The following REXO1 variants were observed in gnomAD, a reference collection of about 807,000 sequenced individuals.
REXO1 encodes the protein REX1, RNA exonuclease 1 homolog.
A neutral mutation model predicts 102.6 loss-of-function variants in REXO1; 42 were observed. The observed-to-expected ratio is 0.41, with a 90% CI of 0.32 to 0.53. REXO1 has a LOEUF of 0.53. Among genes scored for constraint, REXO1 ranks in the 20% least tolerant of loss-of-function variants. REXO1 has a pLI of 0.27. For synonymous variants in REXO1, 908 were observed against 779.1 expected, an observed-to-expected ratio of 1.17 and a Z score of -2.76; for missense variants, 1,819 against 1,732.5, an observed-to-expected ratio of 1.05 and a Z score of -0.89.
intron 1 of REXO1, among the ~76,000 whole-genome samples, chr19:1,841,023 G>A (rs1303482782): frequency 2.0e-5 from 3 of 152,200 alleles, no homozygotes; most frequent in Non-Finnish European, 2.9e-5. Context: ...CTCCGTCCTC[G>A]CAGCCGTTCC....
intron 7 of REXO1, 74 bp downstream of exon 7, chr19:1,819,860 C>A: frequency 7.0e-7 from 1 of 1,424,800 alleles, no homozygotes; most frequent in South Asian, 1.5e-5. Context: ...TGTGAAGGTC[C>A]CAGCGAGGGT....
In REXO1 at chr19:1,827,394, G is replaced by T; in HGVS notation, c.1395C>A (p.Ser465=). 6.5e-7 allele frequency: 1 copy of T among 1,542,480 alleles called. No individual in the cohort carries two copies. Among genetic ancestry groups the T allele is most frequent in the Non-Finnish European group, 8.7e-7 (1 of 1,152,188 alleles). ...ARRPSPTSGD[S]RPAAGRGPPR... is the part of the protein sequence containing the mutation. ...GTGGGCCTCTGCCGGCCGCCGGTCGGGAGTCCCCGCTTGTGGGGCTCGGCC... is the reference window on the plus strand; with the variant it reads ...GTGGGCCTCTGCCGGCCGCCGGTCGTGAGTCCCCGCTTGTGGGGCTCGGCC... The change falls in exon 2 of 16, where the codon TCC becomes TCA. Residue 465 remains serine, a synonymous_variant. Coordinates refer to ENST00000170168, the MANE Select transcript of REXO1 (RefSeq NM_020695.4).
At position 1,815,942 on chromosome 19, in the gene REXO1, C is replaced by A; in HGVS notation, c.*124G>T. The A allele has an allele frequency of 1.3e-6, 2 of 1,535,096 alleles. No individual in the cohort carries two copies. The highest frequency in any genetic ancestry group is 1.2e-5 in the South Asian group (1 of 83,790). On this transcript the variant is annotated 3_prime_UTR_variant, in exon 16 of 16. Coordinates refer to ENST00000170168, the MANE Select transcript of REXO1 (RefSeq NM_020695.4). The surrounding 1 kb of genome is among the most constrained non-coding windows in gnomAD (Gnocchi z 4.0). ...GCGTTCTCTGGCCGCCAGCTCATCC[C>A]GCTGCTCTGGGCTGCCTCGGCCAGG...
chr19:1,832,978 C>T (rs942872425), intron 1 of REXO1, among the ~76,000 whole-genome samples: 9 of 151,702 alleles, frequency 5.9e-5, no homozygotes, highest in Non-Finnish European at 1.2e-4. Flanking sequence ...GCCTGTAATC[C>T]CAGCACTTTG....
intron 1 of REXO1, among the ~76,000 whole-genome samples, chr19:1,829,204 G>A (rs2069837669): frequency 6.6e-6 from 1 of 152,244 alleles, no homozygotes; most frequent in Non-Finnish European, 1.5e-5. Flanking sequence ...CGGGGGATGG[G>A]GACATGCCCA....
At chr19:1,834,592 T>A (rs1180349962) in intron 1 of REXO1, among the ~76,000 whole-genome samples, 3 of 152,066 alleles carry the variant, frequency 2.0e-5, no homozygotes, top group African/African-American at 7.2e-5. Flanking sequence ...TCTTTTCTTT[T>A]TTTGGTAGAG....
chr19:1,820,463 C>T lies in REXO1; in HGVS notation c.2395-68G>A, dbSNP rs2069500307. The T allele has an allele frequency of 1.9e-6, 3 of 1,574,314 alleles. No individual in the cohort carries two copies. In the East Asian group the frequency reaches 6.8e-5, roughly 36 times the overall value. Reference sequence around the variant, plus strand: ...AGGCCTCCAGCGGGGAACGCAGACGCGATGAGGCCGTGCCCATGGCTGGAG... The same window carrying T: ...AGGCCTCCAGCGGGGAACGCAGACGTGATGAGGCCGTGCCCATGGCTGGAG... On this transcript the variant is annotated intron_variant, in intron 5 of 15. Transcript: ENST00000170168.
In REXO1 at chr19:1,818,868, C is replaced by T. The variant is rs1189574573; in HGVS notation, c.2765-25G>A. ...CCTGTGGACAGGCACAGTGGTCAGC[C>T]CCTGCCTGGGATGGCCCACGGGGCG... On this transcript the variant is annotated intron_variant, in intron 8 of 15. Transcript: ENST00000170168. The T allele has an allele frequency of 1.9e-6, 3 of 1,607,322 alleles. No individual in the cohort carries two copies. In the East Asian group the frequency reaches 6.7e-5, roughly 36 times the overall value.
chr19:1,829,906 T>C (rs771845577), intron 1 of REXO1, among the ~76,000 whole-genome samples: 3 of 152,192 alleles, frequency 2.0e-5, no homozygotes, highest in Non-Finnish European at 4.4e-5. Context: ...GCCTCCAAGA[T>C]AGCTGGGACT....
chr19:1,824,446 G>C (rs914436990), intron 3 of REXO1: 2 of 152,248 alleles, frequency 1.3e-5, no homozygotes, highest in African/African-American at 4.8e-5. Context: ...TCAAAGATAA[G>C]GTGTCTTCAA....
chr19:1,834,929 T>C, intron 1 of REXO1: 1 of 409,986 alleles, frequency 2.4e-6, no homozygotes, highest in South Asian at 1.7e-5. Context: ...GTCACTGGGC[T>C]CCCCCACCCT....
chr19:1,818,212 CA>C (rs1243316189), intron 10 of REXO1, among the ~76,000 whole-genome samples: 1 of 152,200 alleles, frequency 6.6e-6, no homozygotes, highest in African/African-American at 2.4e-5. Context: ...GGACCAAGGG[CA>C]CAGGAAGGCA....
intron 1 of REXO1, among the ~76,000 whole-genome samples, chr19:1,831,845 C>CAAAAAAAAAAAAAAAAAAAAAAAAAA: frequency 1.9e-5 from 1 of 51,318 alleles, no homozygotes; most frequent in Non-Finnish European, 4.1e-5. Context: ...AACTCCATCT[C>CAAAAAAAAAAAAAAAAAAAAAAAAAA]AAAAAAAAAA....
intron 10 of REXO1, among the ~76,000 whole-genome samples, chr19:1,818,038 G>C (rs899474311): frequency 6.6e-6 from 1 of 152,214 alleles, no homozygotes; most frequent in Non-Finnish European, 1.5e-5. Flanking sequence ...CACCCTCCAG[G>C]TATCCCTGAG....
intron 4 of REXO1, chr19:1,822,138 C>T (rs1444832921): frequency 5.3e-6 from 2 of 375,378 alleles, no homozygotes; most frequent in Admixed American, 4.7e-5. Context: ...GGGGCTGCTT[C>T]GGAGGGCTGG....
At chr19:1,829,331 C>T (rs570254390) in intron 1 of REXO1, among the ~76,000 whole-genome samples, 8 of 152,116 alleles carry the variant, frequency 5.3e-5, no homozygotes, top group Admixed American at 3.9e-4. Flanking sequence ...CTCTATCTCC[C>T]GAGTTCAAGC....
At chr19:1,818,675 C>G (rs753964766) in intron 9 of REXO1, 31 bp downstream of exon 9, 3 of 1,609,562 alleles carry the variant, frequency 1.9e-6, no homozygotes, top group Admixed American at 3.3e-5. Flanking sequence ...CCGCACCTGC[C>G]CACCTAGGCC....
chr19:1,846,345 C>G (rs2011539033), intron 1 of REXO1, among the ~76,000 whole-genome samples: 1 of 152,214 alleles, frequency 6.6e-6, no homozygotes, highest in South Asian at 2.1e-4. Flanking sequence ...AAGATGGATC[C>G]TGCCTTCTGC....
At chr19:1,820,147 A>T (rs2069488304) in intron 6 of REXO1, 90 bp from the exon 7 acceptor site, 6 of 1,563,972 alleles carry the variant, frequency 3.8e-6, no homozygotes, top group Non-Finnish European at 5.2e-6. Flanking sequence ...GGGGACTTGC[A>T]TCTCTCCCAG....
Sources: gnomAD v4.1 joint callset for allele counts (sites outside exome capture counted in the v4.1 genomes callset) on GRCh38, gnomAD v4.1.1 for gene constraint, Gnocchi (gnomAD v3.1) non-coding constraint, MANE v1.5 for transcripts, NCBI Gene and HGNC (gene_info 2026-07-23, HGNC 2026-07-21) for gene names.